The following CNTNAP5 variants were observed in gnomAD, a reference collection of about 807,000 sequenced individuals.
CNTNAP5 encodes the protein contactin-associated protein-like 5.
CNTNAP5 carries 72 observed loss-of-function variants against 150.2 expected under a neutral mutation model. The observed-to-expected ratio is 0.48, with a 90% confidence interval of 0.40 to 0.58. The LOEUF (loss-of-function observed/expected upper bound fraction) is 0.58. Ranked by LOEUF, CNTNAP5 falls within the 20% of genes least tolerant of loss-of-function variation. CNTNAP5 has a pLI of 0.00. For missense variants in CNTNAP5, 1,636 were observed against 1,626.2 expected, an observed-to-expected ratio of 1.01 and a Z score of -0.10; for synonymous variants, 672 against 619.8, an observed-to-expected ratio of 1.08 and a Z score of -1.25.
intron 1 of CNTNAP5, among the ~76,000 whole-genome samples, chr2:124,086,522 A>C (rs992086809): frequency 6.6e-6 from 1 of 151,362 alleles, no homozygotes; most frequent in Non-Finnish European, 1.5e-5. Flanking sequence ...CACTTTTATA[A>C]TTGCTACAAC....
intron 13 of CNTNAP5, among the ~76,000 whole-genome samples, chr2:124,685,386 C>T (rs1679167858): frequency 6.6e-6 from 1 of 152,132 alleles, no homozygotes; most frequent in Non-Finnish European, 1.5e-5. Context: ...CATAGATCAT[C>T]TCAATCACCT....
intron 5 of CNTNAP5, among the ~76,000 whole-genome samples, chr2:124,435,168 G>A (rs1233584976): frequency 1.3e-5 from 2 of 152,098 alleles, no homozygotes; most frequent in African/African-American, 4.8e-5. Context: ...TCTTTTTAAG[G>A]GAAACTCTTT....
At chr2:124,246,107 A>G (rs1421883407) in intron 3 of CNTNAP5, among the ~76,000 whole-genome samples, 4 of 152,058 alleles carry the variant, frequency 2.6e-5, no homozygotes, top group African/African-American at 9.7e-5. Context: ...TAGATAATAT[A>G]TAGTTTGTAG....
intron 1 of CNTNAP5, among the ~76,000 whole-genome samples, chr2:124,205,051 G>A (rs17011078): frequency 0.013 from 1,975 of 152,268 alleles, 48 homozygotes; most frequent in African/African-American, 0.045. Flanking sequence ...ATTAGTTGTA[G>A]CCCTAGAACT....
chr2:124,172,502 C>T (rs962433549), intron 1 of CNTNAP5, among the ~76,000 whole-genome samples: 1 of 152,102 alleles, frequency 6.6e-6, no homozygotes, highest in African/African-American at 2.4e-5. Context: ...CACCTCTGAC[C>T]CCGGGGATCA....
rs1255174102 is a variant in CNTNAP5, at chr2:124,474,759, A to T, written c.939A>T (p.Pro313=). The part of the protein sequence containing the change: ...IDYELSFGGI[P]VPGKPGTFLK... The stretch of plus-strand genomic sequence containing the variant: ...AAAAGCTTAGTTTTGGAGGAATTCC[A>T]GTACCAGGAAAACCTGGGACCTTTT... Residue 313 remains proline (P), a synonymous_variant, in exon 7 of 24, where the codon CCA becomes CCT. Coordinates refer to ENST00000682447, the MANE Select transcript of CNTNAP5 (RefSeq NM_001367498.1). 1 of 1,586,102 alleles carries T rather than the reference A, an allele frequency of 6.3e-7. No homozygotes were observed. Among genetic ancestry groups the T allele is most frequent in the African/African-American group, 1.4e-5 (1 of 73,578 alleles).
intron 1 of CNTNAP5, among the ~76,000 whole-genome samples, chr2:124,152,371 G>A (rs764489874): frequency 5.3e-5 from 8 of 152,132 alleles, no homozygotes; most frequent in Non-Finnish European, 8.8e-5. Context: ...ACTATCATCC[G>A]GATTTTGCAA....
At chr2:124,778,736 T>C (rs1681380632) in intron 17 of CNTNAP5, 2 of 152,020 alleles carry the variant, frequency 1.3e-5, no homozygotes, top group Admixed American at 1.3e-4. Context: ...TACCTAGGCG[T>C]GTTGTAAAGC....
intron 19 of CNTNAP5, among the ~76,000 whole-genome samples, chr2:124,837,706 T>C (rs1490809021): frequency 6.6e-6 from 1 of 152,146 alleles, no homozygotes; most frequent in Non-Finnish European, 1.5e-5. Context: ...AACCACTGGT[T>C]CCTTTCTATA....
intron 19 of CNTNAP5, among the ~76,000 whole-genome samples, chr2:124,841,967 A>G (rs1436121579): frequency 6.6e-6 from 1 of 151,946 alleles, no homozygotes; most frequent in East Asian, 1.9e-4. Flanking sequence ...TTAAAAAAAA[A>G]CCTTCAGAAA....
At chr2:124,051,225 T>A (rs1055677268) in intron 1 of CNTNAP5, among the ~76,000 whole-genome samples, 1 of 152,112 alleles carries the variant, frequency 6.6e-6, no homozygotes, top group Non-Finnish European at 1.5e-5. Context: ...CACAAACAGT[T>A]CTCAGAGATA....
At chr2:124,255,597 T>TG (rs139897496) in intron 3 of CNTNAP5, among the ~76,000 whole-genome samples, 1 of 132,574 alleles carries the variant, frequency 7.5e-6, no homozygotes, top group Non-Finnish European at 1.6e-5. Context: ...TAATTTTTTT[T>TG]TAAAAAGTAA....
chr2:124,092,301 G>C (rs896013879), intron 1 of CNTNAP5, among the ~76,000 whole-genome samples: 7 of 152,106 alleles, frequency 4.6e-5, no homozygotes, highest in Non-Finnish European at 8.8e-5. Flanking sequence ...AGTAGTCCAG[G>C]GGTTGGCAAA....
At chr2:124,178,309 T>G (rs1685118927) in intron 1 of CNTNAP5, among the ~76,000 whole-genome samples, 1 of 152,224 alleles carries the variant, frequency 6.6e-6, no homozygotes, top group East Asian at 1.9e-4. Flanking sequence ...AGGCATCCGC[T>G]AGGCTATAAA....
At chr2:124,553,582 TA>T (rs2104919954) in intron 10 of CNTNAP5, among the ~76,000 whole-genome samples, 1 of 148,008 alleles carries the variant, frequency 6.8e-6, no homozygotes, top group East Asian at 2.0e-4. Context: ...AGAATGCAAA[TA>T]AAATGACGCA....
intron 1 of CNTNAP5, among the ~76,000 whole-genome samples, chr2:124,094,127 G>A (rs927121298): frequency 6.6e-6 from 1 of 152,240 alleles, no homozygotes; most frequent in Non-Finnish European, 1.5e-5. Flanking sequence ...GAATGTTGGT[G>A]TGTGAATAAA....
At chr2:124,044,120 T>C (rs1025407933) in intron 1 of CNTNAP5, among the ~76,000 whole-genome samples, 5 of 152,216 alleles carry the variant, frequency 3.3e-5, no homozygotes, top group Admixed American at 6.5e-5. Flanking sequence ...TGAACTGCAA[T>C]CAATGAGAAG....
At chr2:124,549,395 G>C (rs1230939859) in intron 10 of CNTNAP5, among the ~76,000 whole-genome samples, 4 of 152,048 alleles carry the variant, frequency 2.6e-5, no homozygotes, top group East Asian at 1.9e-4. Context: ...ACTTTAATGT[G>C]GTGAAATCTT....
At chr2:124,239,879 T>C (rs1053265840) in intron 2 of CNTNAP5, among the ~76,000 whole-genome samples, 10 of 152,260 alleles carry the variant, frequency 6.6e-5, no homozygotes, top group African/African-American at 2.4e-4. Flanking sequence ...ATTGTGAATA[T>C]GTTGAGGAAG....
Sources: gnomAD v4.1 joint callset for allele counts (sites outside exome capture counted in the v4.1 genomes callset) on GRCh38, gnomAD v4.1.1 for gene constraint, MANE v1.5 for transcripts, NCBI Gene and HGNC (gene_info 2026-07-23, HGNC 2026-07-21) for gene names.